DYNC1I1: variants seen among roughly 807,000 people sequenced by gnomAD.
DYNC1I1 encodes cytoplasmic dynein 1 intermediate chain 1.
DYNC1I1 carries 43 observed loss-of-function variants against 86.6 expected under a neutral mutation model. That is an observed-to-expected ratio of 0.50 (90% CI 0.39 to 0.64). The LOEUF is 0.64. Among genes scored for constraint, DYNC1I1 ranks in the 30% least tolerant of loss-of-function variants. The probability of loss-of-function intolerance (pLI) is 0.00; values close to 1 mark genes in which losing one functional copy is unlikely to be tolerated. For synonymous variants in DYNC1I1, 262 were observed against 283.7 expected (o/e 0.92, Z 0.77); for missense variants, 604 against 788.8 (o/e 0.77, Z 2.81).
Position 96,061,244 on chromosome 7 carries a change from A to C in DYNC1I1, c.1510-14813A>C, listed in dbSNP as rs576218348. 2.0e-4 allele frequency among the ~76,000 whole-genome samples: 31 copies of C among 152,310 alleles called. 1 individual carries two copies. Among genetic ancestry groups the C allele is most frequent in the Admixed American group, 2.0e-3 (31 of 15,304 alleles). On this transcript the variant is annotated intron_variant, in intron 14 of 16. Transcript: ENST00000447467. ...CGCCTGGTCCTGCCATTTCAGCACGAATCTGCCCAGTGGGATCAGATGGTG... is the reference window on the plus strand; with the variant it reads ...CGCCTGGTCCTGCCATTTCAGCACGCATCTGCCCAGTGGGATCAGATGGTG...
intron 6 of DYNC1I1, among the ~76,000 whole-genome samples, chr7:95,930,932 TTCAG>T (rs1791878115): frequency 6.6e-6 from 1 of 152,168 alleles, no homozygotes; most frequent in South Asian, 2.1e-4. Context: ...GCTACAGTAT[TTCAG>T]TGTTCACAGG....
chr7:95,867,503 G>C (rs1455980210), intron 5 of DYNC1I1, among the ~76,000 whole-genome samples: 1 of 152,204 alleles, frequency 6.6e-6, no homozygotes, highest in Admixed American at 6.5e-5. Context: ...CATCACCATT[G>C]TGCTGTATGG....
chr7:95,867,735 T>A (rs572625788), intron 5 of DYNC1I1, among the ~76,000 whole-genome samples: 12 of 152,118 alleles, frequency 7.9e-5, no homozygotes, highest in African/African-American at 2.9e-4. Flanking sequence ...GGGTTTAGGG[T>A]GATCTCTCTG....
intron 1 of DYNC1I1, among the ~76,000 whole-genome samples, chr7:95,778,867 G>T (rs564004351): frequency 6.6e-6 from 1 of 152,064 alleles, no homozygotes; most frequent in South Asian, 2.1e-4. Flanking sequence ...GTCTTGCTGT[G>T]TTGCCCAGGC....
intron 5 of DYNC1I1, among the ~76,000 whole-genome samples, chr7:95,863,064 T>C (rs1789930000): frequency 1.3e-5 from 2 of 152,174 alleles, no homozygotes; most frequent in South Asian, 4.1e-4. Context: ...GGGCCAACTG[T>C]ATACAAATGT....
chr7:96,027,633 T>A (rs1255862256), intron 10 of DYNC1I1, among the ~76,000 whole-genome samples: 2 of 152,152 alleles, frequency 1.3e-5, no homozygotes, highest in African/African-American at 4.8e-5. Flanking sequence ...GAGGAGCCAA[T>A]TGGATCAGTC....
At chr7:96,005,486 A>G (rs1794118462) in intron 10 of DYNC1I1, among the ~76,000 whole-genome samples, 1 of 152,154 alleles carries the variant, frequency 6.6e-6, no homozygotes, top group Admixed American at 6.5e-5. Flanking sequence ...ATCTGACACG[A>G]GACGTATAGT....
intron 10 of DYNC1I1, among the ~76,000 whole-genome samples, chr7:96,022,551 G>A (rs1354066459): frequency 2.0e-5 from 3 of 152,154 alleles, no homozygotes; most frequent in East Asian, 3.9e-4. Flanking sequence ...GACTTAGAGA[G>A]AGGAAGGGAG....
intron 11 of DYNC1I1, among the ~76,000 whole-genome samples, chr7:96,031,530 G>C (rs1268920883): frequency 6.6e-6 from 1 of 152,120 alleles, no homozygotes; most frequent in Non-Finnish European, 1.5e-5. Flanking sequence ...CTTTAAGGAA[G>C]GTGTTTAAGC....
chr7:95,938,886 G>A (rs563650737), intron 6 of DYNC1I1, among the ~76,000 whole-genome samples: 15 of 152,206 alleles, frequency 9.9e-5, no homozygotes, highest in African/African-American at 3.6e-4. Flanking sequence ...TTTTTGTGAT[G>A]TTAGGGTGTC....
At position 95,843,017 on chromosome 7, in the gene DYNC1I1, G is replaced by T. The variant is rs1789330294; in HGVS notation, c.374+14901G>T. 1.3e-5 allele frequency among the ~76,000 whole-genome samples: 2 copies of T among 152,056 alleles called. 1 individual carries two copies. The highest frequency in any genetic ancestry group is 4.2e-4 in the South Asian group (2 of 4,816). ...CTTGCTTTTAAGATTTTTTAGTTGGGACAGGAGCAGTGCTCAGCTTAGGGC... is the reference window on the plus strand; with the variant it reads ...CTTGCTTTTAAGATTTTTTAGTTGGTACAGGAGCAGTGCTCAGCTTAGGGC... On this transcript the variant is annotated intron_variant, in intron 5 of 16. Transcript: ENST00000447467.
At chr7:95,894,512 G>C (rs1790827167) in intron 6 of DYNC1I1, among the ~76,000 whole-genome samples, 1 of 152,112 alleles carries the variant, frequency 6.6e-6, no homozygotes, top group African/African-American at 2.4e-5. Context: ...AGCATAGGGT[G>C]TAAGAGTGTG....
At chr7:95,971,126 G>A (rs1793158538) in intron 6 of DYNC1I1, among the ~76,000 whole-genome samples, 1 of 152,160 alleles carries the variant, frequency 6.6e-6, no homozygotes, top group South Asian at 2.1e-4. Flanking sequence ...CCCCTGAGAT[G>A]ATCACGTTGT....
At chr7:95,940,176 C>G (rs892029271) in intron 6 of DYNC1I1, among the ~76,000 whole-genome samples, 3 of 152,198 alleles carry the variant, frequency 2.0e-5, no homozygotes, top group African/African-American at 4.8e-5. Context: ...CGCTGTTAGT[C>G]TGATGGGCTT....
chr7:95,835,424 G>T (rs1413940415), intron 5 of DYNC1I1, among the ~76,000 whole-genome samples: 1 of 150,396 alleles, frequency 6.6e-6, no homozygotes, highest in East Asian at 2.0e-4. Context: ...GGTGTGGTGT[G>T]GTGCTGAAAG....
Position 95,813,260 on chromosome 7 carries a change from G to T in DYNC1I1, c.237G>T (p.Met79Ile), listed in dbSNP as rs747655707. The T allele has an allele frequency of 3.1e-6, 5 of 1,612,428 alleles. No homozygotes were observed. The South Asian group carries it at 5.5e-5, about 18-fold the overall frequency. The change falls in exon 4 of 17, where the codon ATG becomes ATT. Residue 79 changes from methionine to isoleucine, a missense_variant. Transcript: ENST00000447467. ...SPEPPLVPTP[M>I]SPSSKSVSTP... ...TTCATTATTTAGTCCCAACCCCTATGTCTCCCTCCTCGAAATCAGTGAGCA... is the reference window on the plus strand; with the variant it reads ...TTCATTATTTAGTCCCAACCCCTATTTCTCCCTCCTCGAAATCAGTGAGCA...
chr7:95,781,289 T>C (rs553275445), intron 1 of DYNC1I1, among the ~76,000 whole-genome samples: 1 of 152,366 alleles, frequency 6.6e-6, no homozygotes, highest in Admixed American at 6.5e-5. Flanking sequence ...TGTCAAATGC[T>C]GCTGAAAAGT....
Position 95,987,098 on chromosome 7 carries a change from C to T in DYNC1I1, c.786C>T (p.Phe262=), listed in dbSNP as rs1793615349. The T allele has an allele frequency of 6.2e-7, 1 of 1,613,964 alleles. No homozygotes were observed. Residue 262 remains phenylalanine, a synonymous_variant, in exon 9 of 17, where the codon TTC becomes TTT. Transcript: ENST00000447467. ...CCAATCTTTCTTTCAATCGTCAGTTCTATGATGAACATTGGTCCAAGCATC... is the reference window on the plus strand; with the variant it reads ...CCAATCTTTCTTTCAATCGTCAGTTTTATGATGAACATTGGTCCAAGCATC... ...AGANLSFNRQ[F]YDEHWSKHRV...
intron 6 of DYNC1I1, among the ~76,000 whole-genome samples, chr7:95,962,256 C>T (rs1350186639): frequency 6.6e-6 from 1 of 152,134 alleles, no homozygotes; most frequent in Non-Finnish European, 1.5e-5. Flanking sequence ...TTCTGATGAC[C>T]CATAGCTTAC....
Sources: allele counts gnomAD v4.1 joint callset (sites outside exome capture counted in the v4.1 genomes callset), GRCh38; gene constraint gnomAD v4.1.1; transcripts MANE v1.5; gene names NCBI Gene and HGNC (gene_info 2026-07-23, HGNC 2026-07-21).